The following FXR2 variants were observed in gnomAD, a reference collection of about 807,000 sequenced individuals.
FXR2 encodes the protein RNA-binding protein FXR2.
FXR2 carries 9 observed loss-of-function variants against 87.3 expected under a neutral mutation model. That is an observed-to-expected ratio of 0.10 (90% CI 0.06 to 0.18). The LOEUF is 0.18. Ranked by LOEUF, FXR2 falls within the 10% of genes least tolerant of loss-of-function variation. The pLI is 1.00. For missense variants in FXR2, 661 were observed against 893.6 expected, an observed-to-expected ratio of 0.74 and a Z score of 3.32; for synonymous variants, 331 against 328.3, an observed-to-expected ratio of 1.01 and a Z score of -0.09.
intron 3 of FXR2, 52 bp downstream of exon 3, chr17:7,605,593 T>A (rs987566173): frequency 3.2e-6 from 3 of 945,080 alleles, no homozygotes; most frequent in Non-Finnish European, 5.1e-6. Flanking sequence ...GAGAAAAGCC[T>A]AGAATCCTGG....
At position 7,600,307 on chromosome 17, in the gene FXR2, T is replaced by A. The variant is rs900169237; in HGVS notation, c.660+1102A>T. ...TCCACTTCCCAGGTTCAAGCGATTCTCCTGCCTCAGTCTCTCGAGTAGCTG... is the reference window on the plus strand; with the variant it reads ...TCCACTTCCCAGGTTCAAGCGATTCACCTGCCTCAGTCTCTCGAGTAGCTG... On this transcript the variant is annotated intron_variant, in intron 7 of 16. Transcript: ENST00000250113. Among the ~76,000 whole-genome samples the A allele has an allele frequency of 2.6e-5, 4 of 152,210 alleles. No homozygotes were observed. The South Asian group carries it at 8.3e-4, about 32-fold the overall frequency.
rs978992197 is a variant in FXR2, at chr17:7,595,650, G to A, written c.831+174C>T. On this transcript the variant is annotated intron_variant, in intron 8 of 16. Coordinates refer to ENST00000250113, the MANE Select transcript of FXR2 (RefSeq NM_004860.4). The surrounding 1 kb of genome is among the most constrained non-coding windows in gnomAD (Gnocchi z 4.7). ...TTTTGTAGAGATTGGGTCTCACTAT[G>A]TTGCACAGGCTGGTCTCAAACTCCT... Among the ~76,000 whole-genome samples, 12 of 152,150 alleles carry A rather than the reference G, an allele frequency of 7.9e-5. No individual in the cohort carries two copies. Among genetic ancestry groups the A allele is most frequent in the Admixed American group, 2.0e-4 (3 of 15,282 alleles).
chr17:7,604,163 G>T (rs1300806372), intron 3 of FXR2, 83 bp from the exon 4 acceptor site: 7 of 1,023,816 alleles, frequency 6.8e-6, no homozygotes, highest in Non-Finnish European at 9.0e-6. Context: ...GGCATGGTGG[G>T]GCTCACACCT....
At chr17:7,602,439 G>A (rs1463459931) in intron 6 of FXR2, among the ~76,000 whole-genome samples, 1 of 152,060 alleles carries the variant, frequency 6.6e-6, no homozygotes, top group East Asian at 1.9e-4. Flanking sequence ...GCAATGGCAG[G>A]CGCCTGTAAT....
intron 7 of FXR2, chr17:7,596,221 G>C (rs542248005): frequency 2.4e-6 from 1 of 419,006 alleles, no homozygotes; most frequent in South Asian, 3.1e-5. Context: ...GCAGTGGCGC[G>C]ATCTCAGCTC....
At position 7,603,882 on chromosome 17, in the gene FXR2, G is replaced by A. The variant is rs2071780313; in HGVS notation, c.324C>T (p.Ala108=). 1 of 1,614,000 alleles carries A rather than the reference G, an allele frequency of 6.2e-7. No individual in the cohort carries two copies. Among genetic ancestry groups the A allele is most frequent in the Non-Finnish European group, 8.5e-7 (1 of 1,179,890 alleles). ...CAATTTCATTGTAGGTGGCATCACAGGCAGCATATTCAATGACATAGAACT... is the reference window on the plus strand; with the variant it reads ...CAATTTCATTGTAGGTGGCATCACAAGCAGCATATTCAATGACATAGAACT... The part of the protein sequence containing the change: ...KGDFYVIEYA[A]CDATYNEIVT... Residue 108 remains alanine (A), a synonymous_variant, in exon 5 of 17, where the codon GCC becomes GCT. Transcript: ENST00000250113.
chr17:7,612,854 G>T (rs1245241990), intron 1 of FXR2, among the ~76,000 whole-genome samples: 1 of 151,770 alleles, frequency 6.6e-6, no homozygotes, highest in Non-Finnish European at 1.5e-5. Context: ...AAAATAGCCG[G>T]GCATGGTGGT....
intron 7 of FXR2, among the ~76,000 whole-genome samples, chr17:7,599,945 T>C (rs1269104682): frequency 6.6e-6 from 1 of 152,190 alleles, no homozygotes; most frequent in Non-Finnish European, 1.5e-5. Context: ...TTGCCCAGGC[T>C]GGAGTACAAT....
chr17:7,605,369 A>AAACAAC (rs760006202), intron 3 of FXR2, among the ~76,000 whole-genome samples: 3 of 152,022 alleles, frequency 2.0e-5, no homozygotes, highest in Admixed American at 2.0e-4. Context: ...CTCCATCTCA[A>AAACAAC]AACAACAACA....
At chr17:7,597,600 G>T (rs2071718202) in intron 7 of FXR2, among the ~76,000 whole-genome samples, 1 of 151,970 alleles carries the variant, frequency 6.6e-6, no homozygotes, top group Non-Finnish European at 1.5e-5. Flanking sequence ...GTAGAGAAGG[G>T]GTTTCACCAT....
Position 7,593,193 on chromosome 17 carries a change from A to G in FXR2, c.1331-12T>C, listed in dbSNP as rs536862233. On this transcript the variant is annotated splice_polypyrimidine_tract_variant and intron_variant, in intron 12 of 16. Transcript: ENST00000250113. This position sits in a 1 kb window ranked among gnomAD's most constrained non-coding sequence, Gnocchi z 6.1. ...ATCTGAGCTGGGGCCTGAAGAACAC[A>G]ATGGGATTTATTCACGGCCATTCAT... is the stretch of plus-strand genomic sequence containing the variant. 1 of 1,509,334 alleles carries G rather than the reference A, an allele frequency of 6.6e-7. No individual in the cohort carries two copies. The highest frequency in any genetic ancestry group is 2.3e-5 in the East Asian group (1 of 43,842). 93.5% of individuals were successfully genotyped at this position (1,509,334 alleles called of 1,614,324 possible).
At chr17:7,600,559 A>G (rs1168023793) in intron 7 of FXR2, among the ~76,000 whole-genome samples, 1 of 152,160 alleles carries the variant, frequency 6.6e-6, no homozygotes, top group Non-Finnish European at 1.5e-5. Context: ...GCACTTTGCA[A>G]AGTACAGGCA....
chr17:7,603,925 G>A lies in FXR2; in HGVS notation c.301-20C>T. 6.2e-7 allele frequency: 1 copy of A among 1,613,646 alleles called. No homozygotes were observed. Among genetic ancestry groups the A allele is most frequent in the Non-Finnish European group, 8.5e-7 (1 of 1,179,704 alleles). On this transcript the variant is annotated intron_variant, in intron 4 of 16. Transcript: ENST00000250113. ...ATAGAACTGGCACATGGTAAAAAAG[G>A]AGAAGTTGTGGATGACCTGAGCAAC...
At chr17:7,613,399 C>T (rs567936024) in intron 1 of FXR2, among the ~76,000 whole-genome samples, 1 of 152,058 alleles carries the variant, frequency 6.6e-6, no homozygotes, top group Non-Finnish European at 1.5e-5. Context: ...AGGGCTCTCT[C>T]TGGCTTAATC....
rs780746275 is a variant in FXR2, at chr17:7,592,888, T to C, written c.1535A>G (p.Lys512Arg). The C allele has an allele frequency of 2.2e-5, 35 of 1,576,874 alleles. 1 individual carries two copies. In the East Asian group the frequency reaches 7.9e-4, roughly 35 times the overall value. ...GCTGTAGGGATTACTGTCTGGATCC[T>C]TCAGCACTGGTCAGAGGAAGAAGAG... The part of the protein sequence containing the change: ...YNSSSISSVL[K>R]DPDSNPYSLL... The change falls in exon 14 of 17, where the codon AAG (lysine) becomes AGG (arginine). Residue 512 changes from lysine to arginine, a missense_variant. Transcript: ENST00000250113. The surrounding 1 kb of genome is among the most constrained non-coding windows in gnomAD (Gnocchi z 4.8).
chr17:7,593,243 C>A lies in FXR2; in HGVS notation c.1331-62G>T. 1 of 1,345,056 alleles carries A rather than the reference C, an allele frequency of 7.4e-7. No homozygotes were observed. The highest frequency in any genetic ancestry group is 2.5e-5 in the East Asian group (1 of 40,680). 83.3% of individuals were successfully genotyped at this position (1,345,056 alleles called of 1,614,324 possible). A position where few individuals can be genotyped will look rare whatever the true frequency, so the allele number is the denominator to read the frequency against. On this transcript the variant is annotated intron_variant, in intron 12 of 16. Transcript: ENST00000250113. This position sits in a 1 kb window ranked among gnomAD's most constrained non-coding sequence, Gnocchi z 6.1. ...TCCCACCTCAGGATCCATCACATCC[C>A]CCAAACTGGAAGAATTCTCCTTCTC... is the stretch of plus-strand genomic sequence containing the variant.
intron 5 of FXR2, among the ~76,000 whole-genome samples, chr17:7,603,398 A>C (rs905132854): frequency 6.6e-6 from 1 of 151,722 alleles, no homozygotes; most frequent in African/African-American, 2.4e-5. Flanking sequence ...GTGGTGGTGC[A>C]TGCCTGTAAT....
In FXR2 at chr17:7,614,533, G is replaced by A. The variant is rs372206268; in HGVS notation, c.-1C>T. Reference sequence around the variant, plus strand: ...CCCCCCCAGAGGCCAGGCCGCCCATGGCGCCGCCACCGCCTCCGACTCCCC... The same window carrying A: ...CCCCCCCAGAGGCCAGGCCGCCCATAGCGCCGCCACCGCCTCCGACTCCCC... On this transcript the variant is annotated 5_prime_UTR_variant, in exon 1 of 17. Transcript: ENST00000250113. 8.1e-6 allele frequency: 12 copies of A among 1,480,582 alleles called. No homozygotes were observed. Among genetic ancestry groups the A allele is most frequent in the African/African-American group, 1.5e-5 (1 of 68,516 alleles). The allele number at this position is 1,480,582 out of a possible 1,614,324, so 91.7% of individuals were successfully genotyped here.
chr17:7,599,067 C>T (rs959683435), intron 7 of FXR2, among the ~76,000 whole-genome samples: 5 of 150,636 alleles, frequency 3.3e-5, no homozygotes, highest in Admixed American at 2.0e-4. Context: ...AACCCAGGAG[C>T]GAGAGGTTGC....
Sources: gnomAD v4.1 joint callset for allele counts (sites outside exome capture counted in the v4.1 genomes callset) on GRCh38, gnomAD v4.1.1 for gene constraint, Gnocchi (gnomAD v3.1) non-coding constraint, MANE v1.5 for transcripts, NCBI Gene and HGNC (gene_info 2026-07-23, HGNC 2026-07-21) for gene names.